Variants in GANAB observed in about 807,000 individuals in gnomAD.
The protein encoded by GANAB is neutral alpha-glucosidase AB.
Under a neutral mutation model 129.9 loss-of-function variants are expected in GANAB, and 35 were observed. The observed-to-expected ratio is 0.27, with a 90% CI of 0.21 to 0.36. The LOEUF (loss-of-function observed/expected upper bound fraction) is 0.36, where lower values mean the gene tolerates loss of function less well. Ranked by LOEUF, GANAB falls within the 10% of genes least tolerant of loss-of-function variation. The pLI, the probability that GANAB is intolerant of heterozygous loss-of-function variation, is 1.00. For missense variants in GANAB, 939 were observed against 1,221.0 expected (o/e 0.77, Z 3.44); for synonymous variants, 482 against 451.8 (o/e 1.07, Z -0.85).
Position 62,639,390 on chromosome 11 carries a change from A to C in GANAB, c.221T>G (p.Leu74Arg), listed in dbSNP as rs747593449. 1 of 1,612,096 alleles carries C rather than the reference A, an allele frequency of 6.2e-7. No individual in the cohort carries two copies. The highest frequency in any genetic ancestry group is 8.5e-7 in the Non-Finnish European group (1 of 1,178,576). Residue 74 changes from leucine to arginine, a missense_variant, in exon 3 of 24, where the codon CTC (leucine) becomes CGC (arginine). Leu to Arg is a moderately radical substitution (Grantham distance 102, BLOSUM62 -2). Coordinates refer to ENST00000356638, the MANE Select transcript of GANAB (RefSeq NM_198334.3). ...LDSLQLGPDS[L>R]TVHLIHEVTK... ...GACCTCATGGATCAGATGGACCGTG[A>C]GGGAATCAGGACCAAGCTGTAGAGA...
chr11:62,629,870 G>T lies in GANAB; in HGVS notation c.1681C>A (p.Gln561Lys), dbSNP rs538664830. The T allele has an allele frequency of 1.9e-6, 3 of 1,614,052 alleles. No homozygotes were observed. In the East Asian group the frequency reaches 6.7e-5, roughly 36 times the overall value. The change falls in exon 14 of 24, where the codon CAG (glutamine) becomes AAG (lysine). Residue 561 changes from glutamine (Q) to lysine (K), a missense_variant. Coordinates refer to ENST00000356638, the MANE Select transcript of GANAB (RefSeq NM_198334.3). ...CGGTGCTCCCAGCCCCCATAATGCT[G>T]GGCATCCTTGAGCATGGTGACCTCA... ...GPEVTMLKDA[Q>K]HYGGWEHRDV...
At position 62,626,561 on chromosome 11, in the gene GANAB, A is replaced by C. The variant is rs1351582423; in HGVS notation, c.2511+10T>G. On this transcript the variant is annotated intron_variant, in intron 21 of 23. Transcript: ENST00000356638. ...AAATGGCTGAGGAGACTCGCTGCCT[A>C]TGCACTTACCTGAGGGCTAAGTGCA... 1 of 1,563,682 alleles carries C rather than the reference A, an allele frequency of 6.4e-7. No individual in the cohort carries two copies. The highest frequency in any genetic ancestry group is 2.2e-5 in the East Asian group (1 of 44,602).
At chr11:62,638,035 C>T (rs992948377) in intron 4 of GANAB, among the ~76,000 whole-genome samples, 3 of 152,012 alleles carry the variant, frequency 2.0e-5, no homozygotes, top group South Asian at 4.1e-4. Context: ...TGTATACACA[C>T]ATAATACAAC....
chr11:62,630,629 A>T lies in GANAB; in HGVS notation c.1358T>A (p.Leu453His). 1 of 1,613,356 alleles carries T rather than the reference A, an allele frequency of 6.2e-7. No individual in the cohort carries two copies. The highest frequency in any genetic ancestry group is 2.2e-5 in the East Asian group (1 of 44,856). The stretch of plus-strand genomic sequence containing the variant: ...CCGCCTCTTAGAAGCCAAGCGCTCA[A>T]GCATGGTGCGGGGCTGAGGGAAGCG... The part of the protein sequence containing the change: ...PSRFPQPRTM[L>H]ERLASKRRKL... Residue 453 changes from leucine to histidine, a missense_variant, in exon 11 of 24, where the codon CTT becomes CAT. Physicochemically the swap from Leu to His is moderately conservative, Grantham distance 99. Transcript: ENST00000356638.
Position 62,631,146 on chromosome 11 carries a change from G to A in GANAB, c.1034C>T (p.Ser345Phe). 6.2e-7 allele frequency: 1 copy of A among 1,603,504 alleles called. No individual in the cohort carries two copies. Among genetic ancestry groups the A allele is most frequent in the Non-Finnish European group, 8.5e-7 (1 of 1,171,106 alleles). ...AACATCTGTCTGTGGGGTCTCCCCA[G>A]AGCCCTGCAGGTAGTCCATCATCTT... ...FGKMMDYLQG[S>F]GETPQTDVRW... The change falls in exon 10 of 24, where the codon TCT becomes TTT. Residue 345 changes from serine to phenylalanine, a missense_variant. Physicochemically the swap from Ser to Phe is radical, Grantham distance 155. Coordinates refer to ENST00000356638, the MANE Select transcript of GANAB (RefSeq NM_198334.3).
chr11:62,625,075 A>T lies in GANAB; in HGVS notation c.*740T>A, dbSNP rs1943301605. 1 of 364,082 alleles carries T rather than the reference A, an allele frequency of 2.7e-6. No homozygotes were observed. The allele number at this position is 364,082 out of a possible 1,614,324, so 22.6% of individuals were successfully genotyped here. A position where few individuals can be genotyped will look rare whatever the true frequency, so the allele number is the denominator to read the frequency against. ...AACCACAACTGATTTCTCCATCTTA[A>T]GTGCCCCTCAAAGGGGACAAGAAGG... On this transcript the variant is annotated 3_prime_UTR_variant, in exon 24 of 24. Coordinates refer to ENST00000356638, the MANE Select transcript of GANAB (RefSeq NM_198334.3).
chr11:62,640,961 G>A (rs1590823426), intron 1 of GANAB, among the ~76,000 whole-genome samples: 1 of 151,866 alleles, frequency 6.6e-6, no homozygotes, highest in Non-Finnish European at 1.5e-5. Context: ...AGAGGAAATG[G>A]TAGTACCATA....
intron 4 of GANAB, among the ~76,000 whole-genome samples, chr11:62,635,793 T>C (rs935513198): frequency 2.0e-5 from 3 of 150,688 alleles, no homozygotes; most frequent in African/African-American, 7.3e-5. Flanking sequence ...ACCCGGCTAA[T>C]TTTTTTTTGT....
chr11:62,642,055 T>C (rs915051011), intron 1 of GANAB, among the ~76,000 whole-genome samples: 2 of 151,674 alleles, frequency 1.3e-5, no homozygotes, highest in African/African-American at 4.8e-5. Context: ...CTACTAAAAA[T>C]ACAAAAATTA....
At chr11:62,628,117 C>A (rs1232700180) in intron 17 of GANAB, among the ~76,000 whole-genome samples, 1 of 151,516 alleles carries the variant, frequency 6.6e-6, no homozygotes, top group Non-Finnish European at 1.5e-5. Context: ...TTTGTACTTG[C>A]AATTCCCTCT....
intron 4 of GANAB, among the ~76,000 whole-genome samples, chr11:62,638,639 G>C (rs1301058940): frequency 9.9e-6 from 1 of 101,102 alleles, no homozygotes; most frequent in Non-Finnish European, 2.1e-5. Context: ...AGGAAGGAAG[G>C]AAGGAAGCAA....
chr11:62,634,250 T>C, intron 5 of GANAB: 1 of 1,158,426 alleles, frequency 8.6e-7, no homozygotes, highest in South Asian at 1.2e-5. Context: ...CCCCAAAGGC[T>C]AGAGTGAGGA....
At chr11:62,633,666 A>C in intron 5 of GANAB, 152 bp from the exon 6 acceptor site, 3 of 661,344 alleles carry the variant, frequency 4.5e-6, no homozygotes, top group Non-Finnish European at 8.0e-6. Context: ...GAGGGAACCC[A>C]CAATGAGCAG....
intron 8 of GANAB, 33 bp from the exon 9 acceptor site, chr11:62,632,778 C>T: frequency 6.3e-7 from 1 of 1,575,996 alleles, no homozygotes; most frequent in Admixed American, 1.7e-5. Context: ...GGGCTGCTAA[C>T]TGGCCCCAGG....
chr11:62,643,502 G>A (rs1944352615), intron 1 of GANAB, among the ~76,000 whole-genome samples: 1 of 152,126 alleles, frequency 6.6e-6, no homozygotes, highest in Non-Finnish European at 1.5e-5. Context: ...AATTAACAGG[G>A]CATGGTGGCA....
intron 9 of GANAB, 115 bp downstream of exon 9, chr11:62,632,450 G>T: frequency 1.3e-6 from 1 of 764,736 alleles, no homozygotes; most frequent in Non-Finnish European, 2.2e-6. Context: ...TGCCCACCAG[G>T]CCCACAGCCC....
At chr11:62,646,447 G>A (rs963418401) in intron 1 of GANAB, 115 bp downstream of exon 1, 32 of 1,225,244 alleles carry the variant, frequency 2.6e-5, no homozygotes, top group Non-Finnish European at 3.4e-5. Context: ...AGGAACAAAG[G>A]TTCCTCACGA....
intron 17 of GANAB, 79 bp downstream of exon 17, chr11:62,628,690 G>C (rs1362516352): frequency 6.9e-7 from 1 of 1,445,936 alleles, no homozygotes; most frequent in Non-Finnish European, 9.6e-7. Flanking sequence ...AGTGAAGAAA[G>C]AGACCCAGAG....
At position 62,646,214 on chromosome 11, in the gene GANAB, C is replaced by T. The variant is rs572838475; in HGVS notation, c.38+348G>A. Among the ~76,000 whole-genome samples, 531 of 152,318 alleles carry T rather than the reference C, an allele frequency of 3.5e-3. 1 individual carries two copies. Among genetic ancestry groups the T allele is most frequent in the Non-Finnish European group, 5.8e-3 (397 of 68,008 alleles). On this transcript the variant is annotated intron_variant, in intron 1 of 23. Coordinates refer to ENST00000356638, the MANE Select transcript of GANAB (RefSeq NM_198334.3). Reference sequence around the variant, plus strand: ...TCCCCGAGGCCAGGCCGCATCTTTTCCCCCGCCCCGACGACCCCGCGCACT... The same window carrying T: ...TCCCCGAGGCCAGGCCGCATCTTTTTCCCCGCCCCGACGACCCCGCGCACT...
Sources: gnomAD v4.1 joint callset for allele counts (sites outside exome capture counted in the v4.1 genomes callset) on GRCh38, gnomAD v4.1.1 for gene constraint, MANE v1.5 for transcripts, NCBI Gene and HGNC (gene_info 2026-07-23, HGNC 2026-07-21) for gene names.